KAZN: variants seen among roughly 807,000 people sequenced by gnomAD.
KAZN encodes the protein kazrin.
KAZN carries 40 observed loss-of-function variants against 87.4 expected under a neutral mutation model. The observed-to-expected ratio is 0.46, with a 90% confidence interval of 0.36 to 0.60. The LOEUF is 0.60. Among genes scored for constraint, KAZN ranks in the 20% least tolerant of loss-of-function variants. KAZN has a pLI of 0.00. For synonymous variants in KAZN, 466 were observed against 458.3 expected (o/e 1.02, Z -0.22); for missense variants, 898 against 1,073.9 (o/e 0.84, Z 2.29).
chr1:14,885,105 C>T (rs977032132), intron 1 of KAZN, among the ~76,000 whole-genome samples: 2 of 152,212 alleles, frequency 1.3e-5, no homozygotes, highest in Non-Finnish European at 2.9e-5. Context: ...CCGAAAAACA[C>T]TTTAACAAGA....
chr1:14,518,656 A>G (rs574970839), intron 2 of KAZN, among the ~76,000 whole-genome samples: 2 of 152,216 alleles, frequency 1.3e-5, no homozygotes, highest in South Asian at 4.1e-4. Context: ...TGCTCGTAGG[A>G]GCTCCTGCCC....
chr1:14,755,973 C>A (rs552172606), intron 1 of KAZN, among the ~76,000 whole-genome samples: 9 of 152,258 alleles, frequency 5.9e-5, no homozygotes, highest in Non-Finnish European at 1.2e-4. Flanking sequence ...TAGAATGGTA[C>A]CAAGGACTCT....
chr1:14,407,786 A>G (rs1240187868), intron 2 of KAZN, among the ~76,000 whole-genome samples: 2 of 152,206 alleles, frequency 1.3e-5, no homozygotes, highest in South Asian at 4.1e-4. Flanking sequence ...ACAAATATGC[A>G]CTTGAATGAT....
intron 1 of KAZN, among the ~76,000 whole-genome samples, chr1:14,671,000 G>T (rs749946000): frequency 3.3e-5 from 5 of 152,196 alleles, no homozygotes; most frequent in Non-Finnish European, 5.9e-5. Flanking sequence ...ATCCCACAGT[G>T]CACAGGAAAA....
At chr1:14,720,609 T>G (rs909751029) in intron 1 of KAZN, among the ~76,000 whole-genome samples, 2 of 152,234 alleles carry the variant, frequency 1.3e-5, no homozygotes, top group Non-Finnish European at 2.9e-5. Context: ...TTGCTTAACT[T>G]TCTGTGCAAT....
At chr1:15,045,081 G>A (rs960827660) in intron 4 of KAZN, among the ~76,000 whole-genome samples, 1 of 152,208 alleles carries the variant, frequency 6.6e-6, no homozygotes, top group Non-Finnish European at 1.5e-5. Flanking sequence ...GCCTGCTCCT[G>A]TGTGACCTTG....
chr1:13,900,553 A>G (rs1469135998), intron 1 of KAZN, among the ~76,000 whole-genome samples: 2 of 152,190 alleles, frequency 1.3e-5, no homozygotes, highest in African/African-American at 4.8e-5. Flanking sequence ...TAAGCAGCGT[A>G]CACAGTGGTC....
chr1:14,670,073 G>A (rs1030475556), intron 1 of KAZN, among the ~76,000 whole-genome samples: 2 of 152,002 alleles, frequency 1.3e-5, no homozygotes, highest in South Asian at 2.1e-4. Context: ...TACTTTATTT[G>A]GCCCGAGAGT....
chr1:14,388,406 T>C (rs555721671), intron 2 of KAZN, among the ~76,000 whole-genome samples: 1 of 152,300 alleles, frequency 6.6e-6, no homozygotes, highest in East Asian at 1.9e-4. Context: ...AAGGCTATCC[T>C]AAACAAAAAG....
intron 1 of KAZN, among the ~76,000 whole-genome samples, chr1:14,885,414 G>T (rs938729412): frequency 1.3e-5 from 2 of 152,148 alleles, no homozygotes; most frequent in African/African-American, 2.4e-5. Flanking sequence ...GTTCCCCTAA[G>T]TGTCCCCACT....
intron 1 of KAZN, among the ~76,000 whole-genome samples, chr1:13,993,767 G>A (rs1354818420): frequency 6.6e-6 from 1 of 152,190 alleles, no homozygotes; most frequent in Non-Finnish European, 1.5e-5. Flanking sequence ...TAAAGTGATG[G>A]AGAGTGACTG....
At chr1:14,234,831 T>C (rs1050060070) in intron 2 of KAZN, among the ~76,000 whole-genome samples, 1 of 152,260 alleles carries the variant, frequency 6.6e-6, no homozygotes. Context: ...TTGGCATATG[T>C]AGTAAGAACC....
intron 2 of KAZN, among the ~76,000 whole-genome samples, chr1:14,485,930 G>A (rs1394404545): frequency 6.6e-6 from 1 of 150,636 alleles, no homozygotes; most frequent in East Asian, 1.9e-4. Flanking sequence ...GAATATGACT[G>A]CAGAACTGCC....
At chr1:14,025,826 C>T (rs1361359661) in intron 1 of KAZN, among the ~76,000 whole-genome samples, 1 of 152,150 alleles carries the variant, frequency 6.6e-6, no homozygotes. Context: ...TCCATTCTTA[C>T]CTCCCCAGTG....
chr1:15,015,386 C>T (rs1669984834), intron 2 of KAZN, among the ~76,000 whole-genome samples: 1 of 152,100 alleles, frequency 6.6e-6, no homozygotes, highest in African/African-American at 2.4e-5. Flanking sequence ...CTCCTGACCT[C>T]GTGATCCTCC....
intron 1 of KAZN, among the ~76,000 whole-genome samples, chr1:14,706,373 T>C (rs2148813976): frequency 6.6e-6 from 1 of 152,222 alleles, no homozygotes; most frequent in South Asian, 2.1e-4. Flanking sequence ...ATGAAACCAG[T>C]TCCTGGTGCC....
intron 2 of KAZN, among the ~76,000 whole-genome samples, chr1:14,336,971 TG>T (rs1298247636): frequency 6.6e-6 from 1 of 152,260 alleles, no homozygotes; most frequent in Non-Finnish European, 1.5e-5. Flanking sequence ...TTCAATTTTT[TG>T]TTGCTTATCT....
intron 2 of KAZN, among the ~76,000 whole-genome samples, chr1:14,379,448 T>C (rs1283021930): frequency 6.6e-6 from 1 of 152,020 alleles, no homozygotes; most frequent in African/African-American, 2.4e-5. Flanking sequence ...TCAGGGTCCC[T>C]GATTTCAGGC....
chr1:14,531,149 G>A (rs565331231), intron 2 of KAZN, among the ~76,000 whole-genome samples: 15 of 152,122 alleles, frequency 9.9e-5, no homozygotes, highest in African/African-American at 1.9e-4. Flanking sequence ...GGACTGACAC[G>A]CATCTCAATT....
Sources: allele counts gnomAD v4.1 joint callset (sites outside exome capture counted in the v4.1 genomes callset), GRCh38; gene constraint gnomAD v4.1.1; transcripts MANE v1.5; gene names NCBI Gene and HGNC (gene_info 2026-07-23, HGNC 2026-07-21).